Variants in AHI1 observed in about 807,000 individuals in gnomAD.
AHI1 encodes jouberin.
In AHI1, 123 loss-of-function variants were observed where a neutral mutation model predicts 149.3. The ratio of observed to expected loss-of-function variants is 0.82; its 90% CI spans 0.71 to 0.96. The LOEUF (loss-of-function observed/expected upper bound fraction) is 0.96. AHI1 is among the 40% of genes least tolerant of loss of function. The pLI is 0.00. For missense variants in AHI1, 1,439 were observed against 1,422.7 expected, an observed-to-expected ratio of 1.01 and a Z score of -0.18; for synonymous variants, 475 against 459.8, an observed-to-expected ratio of 1.03 and a Z score of -0.42.
chr6:135,453,885 A>AGAG (rs1451563217), intron 10 of AHI1, among the ~76,000 whole-genome samples: 3 of 152,122 alleles, frequency 2.0e-5, no homozygotes, highest in Non-Finnish European at 4.4e-5. Flanking sequence ...AGGCTTCTCA[A>AGAG]GAGGATTTCT....
intron 24 of AHI1, among the ~76,000 whole-genome samples, chr6:135,336,792 T>C (rs1331316990): frequency 6.6e-6 from 1 of 152,212 alleles, no homozygotes; most frequent in Non-Finnish European, 1.5e-5. Context: ...GACATGCCTG[T>C]GTATCTGTCT....
At chr6:135,370,160 C>T (rs1468948071) in intron 23 of AHI1, among the ~76,000 whole-genome samples, 2 of 152,174 alleles carry the variant, frequency 1.3e-5, no homozygotes, top group African/African-American at 4.8e-5. Flanking sequence ...TCAGAAAAGG[C>T]TCACCATTTC....
intron 27 of AHI1, 67 bp from the exon 28 acceptor site, chr6:135,290,592 G>T: frequency 6.4e-7 from 1 of 1,551,110 alleles, no homozygotes; most frequent in Non-Finnish European, 8.9e-7. Context: ...CTCAGATGAG[G>T]CTTTGATCTA....
chr6:135,391,528 C>T (rs1197499818), intron 23 of AHI1, among the ~76,000 whole-genome samples: 2 of 152,108 alleles, frequency 1.3e-5, no homozygotes, highest in Non-Finnish European at 2.9e-5. Flanking sequence ...TGCTGTGCAC[C>T]TAGGCGTGTG....
intron 22 of AHI1, among the ~76,000 whole-genome samples, chr6:135,399,905 T>A (rs1201072940): frequency 6.6e-6 from 1 of 151,982 alleles, no homozygotes; most frequent in Non-Finnish European, 1.5e-5. Flanking sequence ...AATCTTTTTT[T>A]AAAAACTCTT....
chr6:135,341,042 G>C (rs547384555), intron 24 of AHI1, among the ~76,000 whole-genome samples: 1 of 151,710 alleles, frequency 6.6e-6, no homozygotes, highest in African/African-American at 2.4e-5. Context: ...TGAAACAAAG[G>C]AAAAACAACA....
rs145922410 is a variant in AHI1 at position 135,427,997 on chromosome 6, TA to T, written c.2623+631del. 4.6e-4 allele frequency among the ~76,000 whole-genome samples: 67 copies of T among 144,888 alleles called. 2 individuals are homozygous for T. The highest frequency in any genetic ancestry group is 3.4e-4 in the Admixed American group (5 of 14,500). On this transcript the variant is annotated intron_variant, in intron 19 of 28. Transcript: ENST00000265602. The stretch of plus-strand genomic sequence containing the variant: ...TAGTCAAAATGCCTAACAGAAAGAA[TA>T]AAAAAAAAACAAGGAAAAAATCAAA...
At chr6:135,376,083 A>C (rs1000634096) in intron 23 of AHI1, among the ~76,000 whole-genome samples, 3 of 151,454 alleles carry the variant, frequency 2.0e-5, no homozygotes, top group African/African-American at 7.3e-5. Flanking sequence ...TATAGAAAGA[A>C]AGACAGGAAT....
At chr6:135,324,086 G>A (rs752169866) in intron 24 of AHI1, among the ~76,000 whole-genome samples, 4 of 152,148 alleles carry the variant, frequency 2.6e-5, no homozygotes, top group South Asian at 4.1e-4. Context: ...TTGGGAGGCC[G>A]AGGCAGGAGG....
At chr6:135,466,867 A>G (rs1790847309) in intron 6 of AHI1, among the ~76,000 whole-genome samples, 1 of 152,224 alleles carries the variant, frequency 6.6e-6, no homozygotes, top group Non-Finnish European at 1.5e-5. Flanking sequence ...TATCACTAAA[A>G]TGCTGCTAAA....
At chr6:135,408,280 A>G (rs1012750962) in intron 21 of AHI1, among the ~76,000 whole-genome samples, 29 of 152,126 alleles carry the variant, frequency 1.9e-4, no homozygotes, top group African/African-American at 7.0e-4. Context: ...TTGCCATGCA[A>G]GTTTTTAGAC....
At chr6:135,405,859 CAAAAAAAAAAA>C (rs543403253) in intron 21 of AHI1, among the ~76,000 whole-genome samples, 1 of 29,440 alleles carries the variant, frequency 3.4e-5, no homozygotes, top group African/African-American at 1.2e-4. Context: ...GACTCCAACT[CAAAAAAAAAAA>C]AAAAGAAAAA....
At position 135,379,535 on chromosome 6, in the gene AHI1, T is replaced by C. The variant is rs182717989; in HGVS notation, c.3109+15241A>G. ...TAACACAGAATTTGTTACTATATCA[T>C]CTGCATTCTCTAGTACACTTTGTTC... On this transcript the variant is annotated intron_variant, in intron 23 of 28. Coordinates refer to ENST00000265602, the MANE Select transcript of AHI1 (RefSeq NM_001134831.2). Among the ~76,000 whole-genome samples the C allele has an allele frequency of 6.6e-5, 10 of 152,348 alleles. 1 individual carries two copies. In the South Asian group the frequency reaches 1.5e-3, roughly 22 times the overall value.
chr6:135,467,756 C>A, intron 5 of AHI1, 122 bp from the exon 6 acceptor site: 1 of 597,970 alleles, frequency 1.7e-6, no homozygotes, highest in Non-Finnish European at 2.8e-6. Context: ...TTTACCTGGA[C>A]ATAGTGATAC....
In AHI1 at chr6:135,300,551, A is replaced by T. The variant is rs1783738693; in HGVS notation, c.3434T>A (p.Ile1145Asn). Residue 1145 changes from isoleucine to asparagine, a missense_variant, in exon 27 of 29, where the codon ATC (isoleucine) becomes AAC (asparagine). Transcript: ENST00000265602. ...EKSPAPQKQS[I>N]NKNKSQDFRL... ...GAAGTCCTGGGACTTGTTCTTATTG[A>T]TTGATTGCTGTGGAAGAAGAGGAAA... is the stretch of plus-strand genomic sequence containing the variant. 1 of 1,606,768 alleles carries T rather than the reference A, an allele frequency of 6.2e-7. No individual in the cohort carries two copies. Among genetic ancestry groups the T allele is most frequent in the Non-Finnish European group, 8.5e-7 (1 of 1,176,424 alleles).
At chr6:135,318,908 A>C (rs1259550473) in intron 25 of AHI1, among the ~76,000 whole-genome samples, 1 of 152,192 alleles carries the variant, frequency 6.6e-6, no homozygotes, top group Non-Finnish European at 1.5e-5. Flanking sequence ...ATCTCAATAC[A>C]CATTTACCAG....
Position 135,324,551 on chromosome 6 carries a change from C to CATAT in AHI1, c.3166-1231_3166-1228dup, listed in dbSNP as rs3071751. Among the ~76,000 whole-genome samples, 1,007 of 144,792 alleles carry CATAT rather than the reference C, an allele frequency of 7.0e-3. 8 individuals carry two copies. Among genetic ancestry groups the CATAT allele is most frequent in the African/African-American group, 0.019 (764 of 39,584 alleles). 95.0% of individuals were successfully genotyped at this position (144,792 alleles called of 152,430 possible). On this transcript the variant is annotated intron_variant, in intron 24 of 28. Transcript: ENST00000265602. ...AAAATTACATATATAGTTATATATACATATATATATATATATATATATTTA... is the reference window on the plus strand; with the variant it reads ...AAAATTACATATATAGTTATATATACATATATATATATATATATATATATATTTA...
intron 27 of AHI1, among the ~76,000 whole-genome samples, chr6:135,293,195 T>G: frequency 6.6e-6 from 1 of 151,794 alleles, no homozygotes; most frequent in East Asian, 1.9e-4. Flanking sequence ...AAACATCTAT[T>G]CCTGACAAAA....
intron 23 of AHI1, among the ~76,000 whole-genome samples, chr6:135,385,596 T>C (rs1777464934): frequency 6.6e-6 from 1 of 152,192 alleles, no homozygotes. Context: ...GAAACATCTG[T>C]CTGAAAACAT....
Sources: allele counts gnomAD v4.1 joint callset (sites outside exome capture counted in the v4.1 genomes callset), GRCh38; gene constraint gnomAD v4.1.1; transcripts MANE v1.5; gene names NCBI Gene and HGNC (gene_info 2026-07-23, HGNC 2026-07-21).